PDE4B: variants seen among roughly 807,000 people sequenced by gnomAD.
The protein encoded by PDE4B is phosphodiesterase 4B.
In PDE4B, 20 loss-of-function variants were observed where a neutral mutation model predicts 82.2. That is an observed-to-expected ratio of 0.24 (90% CI 0.17 to 0.35). PDE4B has a LOEUF of 0.35. Among genes scored for constraint, PDE4B ranks in the 10% least tolerant of loss-of-function variants. The probability of loss-of-function intolerance (pLI) is 1.00; values close to 1 mark genes in which losing one functional copy is unlikely to be tolerated. For missense variants in PDE4B, 655 were observed against 907.2 expected (o/e 0.72, Z 3.57); for synonymous variants, 320 against 318.9 (o/e 1.00, Z -0.04).
intron 1 of PDE4B, among the ~76,000 whole-genome samples, chr1:65,800,317 A>C (rs2101160281): frequency 6.6e-6 from 1 of 152,340 alleles, no homozygotes; most frequent in African/African-American, 2.4e-5. Context: ...TTGCAGTGTC[A>C]TGATGTGTAC....
chr1:66,033,335 C>T (rs1404330383), intron 3 of PDE4B, among the ~76,000 whole-genome samples: 1 of 152,078 alleles, frequency 6.6e-6, no homozygotes, highest in Non-Finnish European at 1.5e-5. Flanking sequence ...GAACACAATG[C>T]TCCCATTCTT....
At chr1:66,227,385 G>A (rs188109527) in intron 3 of PDE4B, among the ~76,000 whole-genome samples, 213 of 152,232 alleles carry the variant, frequency 1.4e-3, no homozygotes, top group Non-Finnish European at 2.4e-3. Flanking sequence ...CTAGACCTCA[G>A]GATCCCTATC....
At chr1:65,796,501 A>G (rs1645633001) in intron 1 of PDE4B, among the ~76,000 whole-genome samples, 1 of 151,698 alleles carries the variant, frequency 6.6e-6, no homozygotes, top group African/African-American at 2.4e-5. Context: ...CTTCTCTACT[A>G]CAGAGCCCAT....
chr1:66,271,520 G>GT (rs1557671084), intron 7 of PDE4B, among the ~76,000 whole-genome samples: 1 of 152,210 alleles, frequency 6.6e-6, no homozygotes, highest in African/African-American at 2.4e-5. Context: ...ATACAGACAC[G>GT]TTTTTTACAA....
At chr1:65,931,979 C>T (rs1008246372) in intron 3 of PDE4B, among the ~76,000 whole-genome samples, 6 of 152,192 alleles carry the variant, frequency 3.9e-5, no homozygotes, top group Non-Finnish European at 8.8e-5. Context: ...CATATCCTTT[C>T]CCTCAGCTCA....
intron 8 of PDE4B, among the ~76,000 whole-genome samples, chr1:66,337,112 A>G (rs1224412298): frequency 6.6e-6 from 1 of 152,240 alleles, no homozygotes; most frequent in Non-Finnish European, 1.5e-5. Flanking sequence ...TGTAAGAGAG[A>G]GGGTAGACAG....
chr1:66,282,536 T>C (rs1656374487), intron 7 of PDE4B, among the ~76,000 whole-genome samples: 1 of 152,216 alleles, frequency 6.6e-6, no homozygotes, highest in Non-Finnish European at 1.5e-5. Flanking sequence ...AACTCTAGGC[T>C]GGCTCTGGAA....
intron 3 of PDE4B, among the ~76,000 whole-genome samples, chr1:65,980,405 C>T (rs1028587191): frequency 1.3e-5 from 2 of 152,032 alleles, no homozygotes; most frequent in Non-Finnish European, 2.9e-5. Context: ...GTTGCTGTCA[C>T]GATTCAGAAA....
intron 1 of PDE4B, among the ~76,000 whole-genome samples, chr1:65,816,864 A>G (rs1399877985): frequency 6.6e-6 from 1 of 152,230 alleles, no homozygotes; most frequent in African/African-American, 2.4e-5. Context: ...ATAAAATTAT[A>G]ATTTTGAAAA....
intron 3 of PDE4B, among the ~76,000 whole-genome samples, chr1:65,997,157 G>A (rs955721901): frequency 1.5e-4 from 7 of 45,588 alleles, no homozygotes; most frequent in Non-Finnish European, 2.3e-4. Flanking sequence ...ACCCACCCCC[G>A]CCCCCCACCC....
chr1:66,011,591 C>G (rs1299213831), intron 3 of PDE4B, among the ~76,000 whole-genome samples: 1 of 152,046 alleles, frequency 6.6e-6, no homozygotes, highest in Non-Finnish European at 1.5e-5. Context: ...TTAGACTCAT[C>G]TCTTTGATGA....
intron 1 of PDE4B, among the ~76,000 whole-genome samples, chr1:65,819,753 C>T (rs1645931808): frequency 6.6e-6 from 1 of 152,062 alleles, no homozygotes; most frequent in African/African-American, 2.4e-5. Flanking sequence ...CCTGCCTCGG[C>T]CTCCCAAAGT....
chr1:65,867,071 G>A (rs1646520284), intron 1 of PDE4B, among the ~76,000 whole-genome samples: 1 of 151,986 alleles, frequency 6.6e-6, no homozygotes, highest in Non-Finnish European at 1.5e-5. Flanking sequence ...TATAAAATGA[G>A]GTATAGATGG....
At chr1:66,176,651 A>G (rs538094049) in intron 3 of PDE4B, among the ~76,000 whole-genome samples, 2 of 152,346 alleles carry the variant, frequency 1.3e-5, no homozygotes, top group East Asian at 3.9e-4. Context: ...TATCTTTTGA[A>G]TTACCATGCC....
intron 7 of PDE4B, among the ~76,000 whole-genome samples, chr1:66,279,564 G>A (rs1656146044): frequency 6.6e-6 from 1 of 152,032 alleles, no homozygotes; most frequent in African/African-American, 2.4e-5. Flanking sequence ...AGTGGAGATT[G>A]CAGTGAGCCA....
rs1645907331 is a variant in PDE4B, at chr1:66,129,999, T to G, written c.282-117461T>G. On this transcript the variant is annotated intron_variant, in intron 3 of 16. Coordinates refer to ENST00000341517, the MANE Select transcript of PDE4B (RefSeq NM_002600.4). ...AACAGAAGTTATTTTTAAAACATTC[T>G]GTGAGAGTTTGGACTTCTCTCAGCC... is the stretch of plus-strand genomic sequence containing the variant. Among the ~76,000 whole-genome samples, 4 of 152,256 alleles carry G rather than the reference T, an allele frequency of 2.6e-5. No homozygotes were observed. The South Asian group carries it at 8.3e-4, about 31-fold the overall frequency.
intron 3 of PDE4B, among the ~76,000 whole-genome samples, chr1:65,976,838 T>G (rs1650434691): frequency 6.6e-6 from 1 of 152,224 alleles, no homozygotes; most frequent in Non-Finnish European, 1.5e-5. Context: ...TTGTACAGCC[T>G]GCAGAACTGT....
chr1:65,823,957 T>G (rs1403424848), intron 1 of PDE4B, among the ~76,000 whole-genome samples: 2 of 152,232 alleles, frequency 1.3e-5, no homozygotes, highest in Non-Finnish European at 2.9e-5. Flanking sequence ...TGTAATTGTT[T>G]ATATTTCCCT....
intron 6 of PDE4B, among the ~76,000 whole-genome samples, 153 bp downstream of exon 6, chr1:66,258,016 T>C (rs563044936): frequency 6.6e-6 from 1 of 152,294 alleles, no homozygotes; most frequent in South Asian, 2.1e-4. Flanking sequence ...TGGAGCACCA[T>C]AGTATTTTAG....
Sources: gnomAD v4.1 joint callset for allele counts (sites outside exome capture counted in the v4.1 genomes callset) on GRCh38, gnomAD v4.1.1 for gene constraint, MANE v1.5 for transcripts, NCBI Gene and HGNC (gene_info 2026-07-23, HGNC 2026-07-21) for gene names.